Variants in UNC79 observed in about 807,000 individuals in gnomAD.
UNC79 encodes unc-79 subunit of NALCN channel complex.
Under a neutral mutation model 283.1 loss-of-function variants are expected in UNC79, and 37 were observed. That is an observed-to-expected ratio of 0.13 (90% CI 0.10 to 0.17). The LOEUF is 0.17. Ranked by LOEUF, UNC79 falls within the 10% of genes least tolerant of loss-of-function variation. The probability of loss-of-function intolerance (pLI) is 1.00; values close to 1 mark genes in which losing one functional copy is unlikely to be tolerated. For missense variants in UNC79, 2,272 were observed against 3,211.1 expected, an observed-to-expected ratio of 0.71 and a Z score of 7.07; for synonymous variants, 1,107 against 1,200.2, an observed-to-expected ratio of 0.92 and a Z score of 1.61.
chr14:93,639,249 T>C (rs1176355348), intron 32 of UNC79, among the ~76,000 whole-genome samples: 1 of 152,210 alleles, frequency 6.6e-6, no homozygotes, highest in Non-Finnish European at 1.5e-5. Flanking sequence ...TCATCATATA[T>C]TGTATGGGCT....
At chr14:93,628,204 A>G (rs747547920) in intron 30 of UNC79, among the ~76,000 whole-genome samples, 5 of 152,164 alleles carry the variant, frequency 3.3e-5, no homozygotes, top group Admixed American at 2.0e-4. Context: ...GCAAAGCCCT[A>G]TGTGGTCCTA....
intron 34 of UNC79, among the ~76,000 whole-genome samples, chr14:93,644,295 A>AT (rs2069357131): frequency 6.6e-6 from 1 of 152,256 alleles, no homozygotes; most frequent in Non-Finnish European, 1.5e-5. Flanking sequence ...TAGATAGGAC[A>AT]TTAGAAGATA....
intron 1 of UNC79, among the ~76,000 whole-genome samples, chr14:93,391,331 T>A (rs2054878596): frequency 1.3e-5 from 2 of 152,194 alleles, no homozygotes; most frequent in Non-Finnish European, 2.9e-5. Flanking sequence ...AGACATCAAT[T>A]CCACGTGGGT....
intron 14 of UNC79, among the ~76,000 whole-genome samples, chr14:93,554,956 A>G (rs1394111617): frequency 6.6e-6 from 1 of 152,234 alleles, no homozygotes; most frequent in African/African-American, 2.4e-5. Flanking sequence ...CTTTTCCAGT[A>G]TAGCTAGGGA....
At chr14:93,643,456 CTT>C in intron 33 of UNC79, 99 bp from the exon 37 acceptor site, 1 of 1,574,360 alleles carries the variant, frequency 6.4e-7, no homozygotes, top group Non-Finnish European at 8.7e-7. Flanking sequence ...CTTTTGGAGA[CTT>C]TTCCAAGACC....
At chr14:93,678,979 T>G (rs551520005) in intron 41 of UNC79, among the ~76,000 whole-genome samples, 1 of 152,348 alleles carries the variant, frequency 6.6e-6, no homozygotes, top group East Asian at 1.9e-4. Context: ...TCAGATCTAT[T>G]GACGTTTTTG....
intron 7 of UNC79, among the ~76,000 whole-genome samples, chr14:93,512,716 A>C (rs979769903): frequency 6.6e-6 from 1 of 152,120 alleles, no homozygotes; most frequent in African/African-American, 2.4e-5. Flanking sequence ...TTTTAGGTCT[A>C]GAATTTTCTT....
At chr14:93,659,402 A>G (rs1490226314) in intron 39 of UNC79, 141 bp downstream of exon 42, 2 of 648,882 alleles carry the variant, frequency 3.1e-6, no homozygotes, top group East Asian at 2.8e-5. Context: ...TCTTCATGCT[A>G]GGTCAGTGCC....
intron 35 of UNC79, among the ~76,000 whole-genome samples, chr14:93,650,822 A>G (rs61163505): frequency 0.02 from 3,070 of 152,242 alleles, 97 homozygotes; most frequent in African/African-American, 0.07. Context: ...CATTACAATT[A>G]TTGCTTCTTT....
chr14:93,612,941 G>A, exon 27 of UNC79: 1 of 1,614,116 alleles, frequency 6.2e-7, no homozygotes, highest in South Asian at 1.1e-5. Flanking sequence ...TCAGACATCA[G>A]CAGTGCAAAG....
intron 1 of UNC79, among the ~76,000 whole-genome samples, chr14:93,378,598 C>G (rs535106014): frequency 6.6e-6 from 1 of 151,964 alleles, no homozygotes; most frequent in Admixed American, 6.5e-5. Context: ...ATACAGATAG[C>G]CTGAAGGTAA....
At chr14:93,359,865 A>G (rs2054183944) in intron 1 of UNC79, among the ~76,000 whole-genome samples, 2 of 152,298 alleles carry the variant, frequency 1.3e-5, no homozygotes, top group East Asian at 3.9e-4. Context: ...TCTGCTGTTC[A>G]TCTTTTTCCC....
At chr14:93,370,397 C>G (rs535713029) in intron 1 of UNC79, among the ~76,000 whole-genome samples, 47 of 152,270 alleles carry the variant, frequency 3.1e-4, no homozygotes, top group South Asian at 6.2e-4. Context: ...ATCAAAAACA[C>G]TGTAACAGAA....
At chr14:93,632,613 C>T (rs1055210707) in intron 31 of UNC79, among the ~76,000 whole-genome samples, 5 of 151,658 alleles carry the variant, frequency 3.3e-5, no homozygotes, top group East Asian at 1.9e-4. Context: ...GTGGGAGGAT[C>T]GCTCAAGCAT....
intron 1 of UNC79, chr14:93,464,459 G>A: frequency 2.2e-6 from 1 of 452,706 alleles, no homozygotes; most frequent in Non-Finnish European, 4.4e-6. Flanking sequence ...ATTGGATTAG[G>A]GTCCACCACG....
Position 93,598,365 on chromosome 14 carries a change from CGTGTG to C in UNC79, c.3372+826_3372+830del, listed in dbSNP as rs1364848669. 4.7e-5 allele frequency among the ~76,000 whole-genome samples: 3 copies of C among 64,020 alleles called. No homozygotes were observed. In the Admixed American group the frequency reaches 6.2e-4, roughly 13 times the overall value. 42.0% of individuals were successfully genotyped at this position (64,020 alleles called of 152,430 possible). A position where few individuals can be genotyped will look rare whatever the true frequency, so the allele number is the denominator to read the frequency against. On this transcript the variant is annotated intron_variant, in intron 24 of 48. Transcript: ENST00000555664. Reference sequence around the variant, plus strand: ...TTGGACAGATGTAATTATTGCATAACGTGTGTGTGTGTGTGTGTGTGTGTGTGTGT... The same window carrying C: ...TTGGACAGATGTAATTATTGCATAACTGTGTGTGTGTGTGTGTGTGTGTGT...
At chr14:93,564,018 G>A (rs997377172) in intron 14 of UNC79, among the ~76,000 whole-genome samples, 3 of 152,172 alleles carry the variant, frequency 2.0e-5, no homozygotes, top group African/African-American at 7.2e-5. Context: ...GCCACTGCAC[G>A]GAGGCATGAT....
chr14:93,434,631 A>G (rs1488974604), intron 1 of UNC79, among the ~76,000 whole-genome samples: 2 of 152,198 alleles, frequency 1.3e-5, no homozygotes, highest in Non-Finnish European at 2.9e-5. Context: ...TTCTAGAATC[A>G]GACTGCTGCC....
chr14:93,616,701 G>A (rs2066755189), intron 27 of UNC79, among the ~76,000 whole-genome samples: 1 of 151,970 alleles, frequency 6.6e-6, no homozygotes. Context: ...TTACTAAATT[G>A]TTCTCCTGAA....
Sources: gnomAD v4.1 joint callset for allele counts (sites outside exome capture counted in the v4.1 genomes callset) on GRCh38, gnomAD v4.1.1 for gene constraint, MANE v1.5 for transcripts, NCBI Gene and HGNC (gene_info 2026-07-23, HGNC 2026-07-21) for gene names.